The following MYO10 variants were observed in gnomAD, a reference collection of about 807,000 sequenced individuals.
MYO10 encodes unconventional myosin-X.
A neutral mutation model predicts 257.3 loss-of-function variants in MYO10; 133 were observed. That is an observed-to-expected ratio of 0.52 (90% CI 0.45 to 0.60). The LOEUF is 0.60. Ranked by LOEUF, MYO10 falls within the 20% of genes least tolerant of loss-of-function variation. The pLI is 0.00. For missense variants in MYO10, 2,399 were observed against 2,635.7 expected (o/e 0.91, Z 1.97); for synonymous variants, 1,104 against 1,028.6 (o/e 1.07, Z -1.40).
intron 4 of MYO10, among the ~76,000 whole-genome samples, chr5:16,791,329 A>C (rs561180263): frequency 5.9e-5 from 9 of 151,830 alleles, no homozygotes; most frequent in Non-Finnish European, 1.2e-4. Flanking sequence ...CCCCCACTTT[A>C]AAAAACTGCT....
chr5:16,791,318 AC>A (rs567432709), intron 4 of MYO10, among the ~76,000 whole-genome samples: 189 of 152,036 alleles, frequency 1.2e-3, no homozygotes, highest in African/African-American at 4.4e-3. Context: ...CACAGCTTCA[AC>A]CCCCACTTTA....
At chr5:16,809,594 G>T (rs756079529) in intron 3 of MYO10, among the ~76,000 whole-genome samples, 2 of 152,224 alleles carry the variant, frequency 1.3e-5, no homozygotes, top group African/African-American at 4.8e-5. Context: ...CCTGACAGAT[G>T]CAGGCTTCAA....
intron 2 of MYO10, among the ~76,000 whole-genome samples, chr5:16,871,292 C>T (rs1459513931): frequency 6.6e-6 from 1 of 152,168 alleles, no homozygotes; most frequent in African/African-American, 2.4e-5. Flanking sequence ...CAAGACCATG[C>T]TCTAAACTTT....
intron 2 of MYO10, among the ~76,000 whole-genome samples, chr5:16,827,343 G>C (rs868827289): frequency 6.6e-6 from 1 of 152,226 alleles, no homozygotes; most frequent in South Asian, 2.1e-4. Context: ...GAATGCAGTG[G>C]CACAGTCTCG....
rs575219808 is a variant in MYO10, at chr5:16,880,428, T to C, written c.22-2721A>G. 3.3e-5 allele frequency among the ~76,000 whole-genome samples: 5 copies of C among 151,648 alleles called. No homozygotes were observed. The South Asian group carries it at 1.0e-3, about 32-fold the overall frequency. ...TCCCCGGAGAGTTATACGACTCTCC[T>C]AGTATCCCCTATTGTGACCTTATCT... is the stretch of plus-strand genomic sequence containing the variant. On this transcript the variant is annotated intron_variant, in intron 1 of 40. Coordinates refer to ENST00000513610, the MANE Select transcript of MYO10 (RefSeq NM_012334.3).
Position 16,666,382 on chromosome 5 carries a change from T to G in MYO10, c.*310A>C. ...CACAGTTACGGTCGATTAGTGTTGG[T>G]TCCACAAGTTAAGGCACTTCCGGCT... On this transcript the variant is annotated 3_prime_UTR_variant, in exon 41 of 41. Transcript: ENST00000513610. The G allele has an allele frequency of 3.3e-6, 1 of 303,508 alleles. No homozygotes were observed. Among genetic ancestry groups the G allele is most frequent in the Non-Finnish European group, 6.1e-6 (1 of 164,834 alleles). The allele number at this position is 303,508 out of a possible 1,614,324, so 18.8% of individuals were successfully genotyped here.
At chr5:16,889,343 T>C (rs865979849) in intron 1 of MYO10, among the ~76,000 whole-genome samples, 13 of 150,554 alleles carry the variant, frequency 8.6e-5, no homozygotes, top group African/African-American at 2.7e-4. Context: ...GAGGCGGAGG[T>C]TGCGGTGAGC....
At chr5:16,751,267 T>A (rs1046826643) in intron 19 of MYO10, among the ~76,000 whole-genome samples, 10 of 152,062 alleles carry the variant, frequency 6.6e-5, no homozygotes, top group African/African-American at 1.9e-4. Context: ...TTAAAAAAAA[T>A]ATATAAGGAA....
chr5:16,796,072 C>G (rs1017482409), intron 3 of MYO10, among the ~76,000 whole-genome samples: 10 of 151,054 alleles, frequency 6.6e-5, no homozygotes, highest in African/African-American at 2.4e-4. Flanking sequence ...ACCTGTAATC[C>G]CAGCTACTCG....
At chr5:16,888,039 T>C (rs919504026) in intron 1 of MYO10, among the ~76,000 whole-genome samples, 1 of 152,226 alleles carries the variant, frequency 6.6e-6, no homozygotes, top group Non-Finnish European at 1.5e-5. Flanking sequence ...AACACATATA[T>C]GTTTATTAGA....
At chr5:16,854,981 C>T (rs1328965517) in intron 2 of MYO10, among the ~76,000 whole-genome samples, 6 of 151,404 alleles carry the variant, frequency 4.0e-5, no homozygotes, top group Non-Finnish European at 5.9e-5. Flanking sequence ...TGCAGTGAGC[C>T]GAGATTGCGC....
At position 16,673,721 on chromosome 5, in the gene MYO10, G is replaced by A. The variant is rs1228781024; in HGVS notation, c.5133C>T (p.Ser1711=). Residue 1711 remains serine, a synonymous_variant, in exon 36 of 41, where the codon TCC becomes TCT. Coordinates refer to ENST00000513610, the MANE Select transcript of MYO10 (RefSeq NM_012334.3). ...TGTGGGAGTTGATGGTGATCTTGCA[G>A]GAGCCGCCGCCATGGCAATAGACCG... The part of the protein sequence containing the change: ...TSTVYCHGGG[S]CKITINSHTT... 1 of 1,613,934 alleles carries A rather than the reference G, an allele frequency of 6.2e-7. No homozygotes were observed. The highest frequency in any genetic ancestry group is 1.3e-5 in the African/African-American group (1 of 75,036).
At chr5:16,674,786 G>T in intron 35 of MYO10, 67 bp downstream of exon 35, 2 of 1,554,880 alleles carry the variant, frequency 1.3e-6, no homozygotes, top group Non-Finnish European at 8.8e-7. Context: ...TTATCTGAAC[G>T]AGGACCCAGT....
At chr5:16,743,224 A>G (rs1469408775) in intron 19 of MYO10, among the ~76,000 whole-genome samples, 14 of 152,176 alleles carry the variant, frequency 9.2e-5, no homozygotes, top group Non-Finnish European at 2.9e-5. Flanking sequence ...TGCACAGAGG[A>G]GTGAAAGGGG....
At chr5:16,674,563 G>GTT (rs5866200) in intron 35 of MYO10, among the ~76,000 whole-genome samples, 7 of 143,280 alleles carry the variant, frequency 4.9e-5, no homozygotes, top group Non-Finnish European at 7.7e-5. Flanking sequence ...AAATATCCAA[G>GTT]TTTTTTTTTT....
intron 2 of MYO10, among the ~76,000 whole-genome samples, chr5:16,818,607 T>G: frequency 2.8e-3 from 1 of 356 alleles, no homozygotes; most frequent in African/African-American, 0.015. Flanking sequence ...AATTTTTGCA[T>G]TTTTTTTTTT....
intron 2 of MYO10, among the ~76,000 whole-genome samples, chr5:16,835,447 C>G (rs1449906908): frequency 7.1e-6 from 1 of 140,366 alleles, no homozygotes; most frequent in Non-Finnish European, 1.5e-5. Flanking sequence ...GCACAAGAAG[C>G]TGAGGTTCCA....
At position 16,673,703 on chromosome 5, in the gene MYO10, G is replaced by C; in HGVS notation, c.5151C>G (p.Asn1717Lys). 1 of 1,613,818 alleles carries C rather than the reference G, an allele frequency of 6.2e-7. No individual in the cohort carries two copies. The highest frequency in any genetic ancestry group is 8.5e-7 in the Non-Finnish European group (1 of 1,179,818). Residue 1717 changes from asparagine to lysine, a missense_variant, in exon 36 of 41, where the codon AAC becomes AAG. Asn to Lys is a moderately conservative substitution (Grantham distance 94). Coordinates refer to ENST00000513610, the MANE Select transcript of MYO10 (RefSeq NM_012334.3). ...TCACCTCCCCAGCGGTGGTGTGGGA[G>C]TTGATGGTGATCTTGCAGGAGCCGC... is the stretch of plus-strand genomic sequence containing the variant. ...HGGGSCKITI[N>K]SHTTAGEVVE...
At chr5:16,870,388 A>G (rs1744418942) in intron 2 of MYO10, among the ~76,000 whole-genome samples, 1 of 151,032 alleles carries the variant, frequency 6.6e-6, no homozygotes, top group Non-Finnish European at 1.5e-5. Context: ...AATCCTTACT[A>G]CTCCAATGTG....
Sources: allele counts gnomAD v4.1 joint callset (sites outside exome capture counted in the v4.1 genomes callset), GRCh38; gene constraint gnomAD v4.1.1; transcripts MANE v1.5; gene names NCBI Gene and HGNC (gene_info 2026-07-23, HGNC 2026-07-21).